The following EPHA6 variants were observed in gnomAD, a reference collection of about 807,000 sequenced individuals.
EPHA6 encodes EPH receptor A6, also known as ephrin type-A receptor 6.
Under a neutral mutation model 112.0 loss-of-function variants are expected in EPHA6, and 50 were observed. That is an observed-to-expected ratio of 0.45 (90% CI 0.36 to 0.56). EPHA6 has a LOEUF of 0.56. Among genes scored for constraint, EPHA6 ranks in the 20% least tolerant of loss-of-function variants. The pLI is 0.00. For synonymous variants in EPHA6, 529 were observed against 490.7 expected (o/e 1.08, Z -1.03); for missense variants, 1,280 against 1,417.4 (o/e 0.90, Z 1.56).
chr3:96,925,230 T>G (rs912217076), intron 2 of EPHA6, among the ~76,000 whole-genome samples: 4 of 152,142 alleles, frequency 2.6e-5, no homozygotes, highest in African/African-American at 9.6e-5. Flanking sequence ...GTTACAGCTC[T>G]TTTTTGTGCC....
chr3:97,716,184 C>A (rs1485117196), intron 14 of EPHA6, among the ~76,000 whole-genome samples: 1 of 152,124 alleles, frequency 6.6e-6, no homozygotes, highest in Admixed American at 6.5e-5. Context: ...TAGTGCATTA[C>A]CTCTGTATAT....
chr3:97,572,372 G>A (rs1042809381), intron 11 of EPHA6, among the ~76,000 whole-genome samples: 5 of 151,900 alleles, frequency 3.3e-5, no homozygotes, highest in East Asian at 3.9e-4. Context: ...GGATCGTCTC[G>A]ATCTCCTGAC....
chr3:97,643,292 C>T (rs555646565), intron 14 of EPHA6, among the ~76,000 whole-genome samples: 48 of 151,222 alleles, frequency 3.2e-4, no homozygotes, highest in South Asian at 2.5e-3. Context: ...CTGAAGGAAG[C>T]GCTAAACATG....
At chr3:97,039,969 A>C (rs2108048926) in intron 3 of EPHA6, among the ~76,000 whole-genome samples, 1 of 152,140 alleles carries the variant, frequency 6.6e-6, no homozygotes, top group Admixed American at 6.6e-5. Context: ...TGAACAACTT[A>C]AAACTGGACC....
At chr3:97,090,618 A>T (rs1018971298) in intron 3 of EPHA6, among the ~76,000 whole-genome samples, 1 of 152,128 alleles carries the variant, frequency 6.6e-6, no homozygotes, top group African/African-American at 2.4e-5. Flanking sequence ...TAATTTGCTT[A>T]CATTTGACAA....
intron 3 of EPHA6, among the ~76,000 whole-genome samples, chr3:97,015,865 G>C (rs1487102016): frequency 3.9e-5 from 6 of 152,048 alleles, no homozygotes; most frequent in Admixed American, 6.5e-5. Context: ...TTCACTAATA[G>C]CTGACGATCT....
intron 2 of EPHA6, among the ~76,000 whole-genome samples, chr3:96,973,465 C>G (rs9835231): frequency 0.021 from 3,213 of 152,102 alleles, 89 homozygotes; most frequent in South Asian, 0.086. Flanking sequence ...ATAATTCAAT[C>G]TGTAATTATT....
At chr3:97,506,231 G>T (rs2092249299) in intron 10 of EPHA6, among the ~76,000 whole-genome samples, 1 of 152,152 alleles carries the variant, frequency 6.6e-6, no homozygotes, top group African/African-American at 2.4e-5. Context: ...CATTGCTTTT[G>T]GTGTTTTCGT....
At position 97,484,028 on chromosome 3, in the gene EPHA6, A is replaced by C; in HGVS notation, c.2169A>C (p.Ser723=). 2 of 1,608,932 alleles carry C rather than the reference A, an allele frequency of 1.2e-6. No individual in the cohort carries two copies. The highest frequency in any genetic ancestry group is 1.7e-6 in the Non-Finnish European group (2 of 1,177,638). Residue 723 remains serine, a synonymous_variant, in exon 10 of 18, where the codon TCA becomes TCC. Coordinates refer to ENST00000389672, the MANE Select transcript of EPHA6 (RefSeq NM_001080448.3). ...VHEFAKEIDP[S]RIRIERVIGA... ...AATTTGCAAAGGAGATTGATCCCTC[A>C]AGAATTCGTATTGAGAGAGTCATTG...
intron 3 of EPHA6, among the ~76,000 whole-genome samples, chr3:97,050,668 A>G (rs759999017): frequency 7.2e-4 from 109 of 152,158 alleles, no homozygotes; most frequent in Non-Finnish European, 1.4e-3. Flanking sequence ...AAAATACGTG[A>G]CTGGGAGACT....
At chr3:97,192,339 G>T (rs2077329446) in intron 3 of EPHA6, among the ~76,000 whole-genome samples, 1 of 151,958 alleles carries the variant, frequency 6.6e-6, no homozygotes, top group Non-Finnish European at 1.5e-5. Flanking sequence ...TGCCATGTTG[G>T]CCAGGCTGGT....
intron 1 of EPHA6, among the ~76,000 whole-genome samples, chr3:96,840,445 G>T (rs1284038891): frequency 6.6e-6 from 1 of 152,116 alleles, no homozygotes; most frequent in Non-Finnish European, 1.5e-5. Flanking sequence ...CAGCAAGTCT[G>T]TCAGTAGTCC....
chr3:97,384,785 C>T (rs1189888966), intron 5 of EPHA6, among the ~76,000 whole-genome samples: 1 of 152,044 alleles, frequency 6.6e-6, no homozygotes, highest in African/African-American at 2.4e-5. Flanking sequence ...TTGCTTGACT[C>T]AGCATTTCCC....
At chr3:97,745,417 C>T (rs1210695671) in intron 16 of EPHA6, 5 of 450,190 alleles carry the variant, frequency 1.1e-5, no homozygotes, top group East Asian at 1.4e-4. Flanking sequence ...ATCAAAATAA[C>T]GTTGCAATAT....
chr3:96,831,343 T>G (rs1028536222), intron 1 of EPHA6, among the ~76,000 whole-genome samples: 2 of 152,038 alleles, frequency 1.3e-5, no homozygotes, highest in African/African-American at 4.8e-5. Flanking sequence ...ACAGTTTGAG[T>G]CATCAGCCCC....
At chr3:96,864,387 A>C (rs2036185272) in intron 1 of EPHA6, among the ~76,000 whole-genome samples, 1 of 152,118 alleles carries the variant, frequency 6.6e-6, no homozygotes, top group African/African-American at 2.4e-5. Context: ...AACAGTTGAA[A>C]CATGCAGTGA....
At chr3:97,319,897 T>C (rs2082027216) in intron 5 of EPHA6, among the ~76,000 whole-genome samples, 1 of 152,018 alleles carries the variant, frequency 6.6e-6, no homozygotes, top group Admixed American at 6.6e-5. Context: ...GTCATAACTG[T>C]AGGGGTAGTT....
intron 3 of EPHA6, among the ~76,000 whole-genome samples, chr3:97,003,323 G>A (rs2043742573): frequency 6.6e-6 from 1 of 152,046 alleles, no homozygotes. Context: ...GGCCAGGCTG[G>A]TCTCGAACTC....
At chr3:97,687,885 T>C (rs571963855) in intron 14 of EPHA6, among the ~76,000 whole-genome samples, 2 of 152,310 alleles carry the variant, frequency 1.3e-5, no homozygotes, top group African/African-American at 2.4e-5. Flanking sequence ...ATCTGGAGCA[T>C]GCCTGTCTGG....
Sources: allele counts gnomAD v4.1 joint callset (sites outside exome capture counted in the v4.1 genomes callset), GRCh38; gene constraint gnomAD v4.1.1; transcripts MANE v1.5; gene names NCBI Gene and HGNC (gene_info 2026-07-23, HGNC 2026-07-21).